EPHA6: variants seen among roughly 807,000 people sequenced by gnomAD.
EPHA6 encodes ephrin type-A receptor 6.
In EPHA6, 50 loss-of-function variants were observed where a neutral mutation model predicts 112.0. The observed-to-expected ratio is 0.45, with a 90% CI of 0.36 to 0.56. EPHA6 has a LOEUF of 0.56. EPHA6 is among the 20% of genes least tolerant of loss of function. EPHA6 has a pLI of 0.00. For synonymous variants in EPHA6, 529 were observed against 490.7 expected, an observed-to-expected ratio of 1.08 and a Z score of -1.03; for missense variants, 1,280 against 1,417.4, an observed-to-expected ratio of 0.90 and a Z score of 1.56.
At chr3:97,585,167 T>G (rs979426168) in intron 11 of EPHA6, among the ~76,000 whole-genome samples, 4 of 152,174 alleles carry the variant, frequency 2.6e-5, no homozygotes. Flanking sequence ...ATAAAAATTA[T>G]GTAAATAGAC....
chr3:96,969,114 A>T (rs2317931), intron 2 of EPHA6, among the ~76,000 whole-genome samples: 42,746 of 151,698 alleles, frequency 0.28, 10,010 homozygotes, highest in African/African-American at 0.63. Context: ...AATTTGATAT[A>T]CTAAGATAAT....
chr3:97,704,200 C>T (rs114018367), intron 14 of EPHA6, among the ~76,000 whole-genome samples: 355 of 152,150 alleles, frequency 2.3e-3, no homozygotes, highest in African/African-American at 8.3e-3. Flanking sequence ...TAAGGGATGC[C>T]TGGACATCTG....
intron 12 of EPHA6, among the ~76,000 whole-genome samples, chr3:97,606,813 A>G (rs887602120): frequency 3.3e-5 from 5 of 151,284 alleles, no homozygotes; most frequent in African/African-American, 1.2e-4. Context: ...GTAATTCACT[A>G]TCTCTACAAC....
chr3:97,536,781 G>C (rs1319697178), intron 11 of EPHA6, among the ~76,000 whole-genome samples: 1 of 152,072 alleles, frequency 6.6e-6, no homozygotes, highest in Non-Finnish European at 1.5e-5. Flanking sequence ...TACTGTATTA[G>C]CTATGACATC....
At chr3:97,655,390 T>G (rs1426434015) in intron 14 of EPHA6, among the ~76,000 whole-genome samples, 2 of 151,772 alleles carry the variant, frequency 1.3e-5, no homozygotes, top group African/African-American at 4.8e-5. Context: ...CCTCTGAGAC[T>G]CTTGCAGAAG....
At chr3:97,221,569 G>T (rs1390016524) in intron 3 of EPHA6, among the ~76,000 whole-genome samples, 7 of 151,966 alleles carry the variant, frequency 4.6e-5, no homozygotes, top group African/African-American at 1.7e-4. Flanking sequence ...ATATAAGAAA[G>T]AAATTTAAAA....
At position 97,749,692 on chromosome 3, in the gene EPHA6, G is replaced by A. The variant is rs556271155; in HGVS notation, c.*991G>A. 1.1e-4 allele frequency among the ~76,000 whole-genome samples: 16 copies of A among 152,228 alleles called. No homozygotes were observed. In the East Asian group the frequency reaches 2.9e-3, roughly 28 times the overall value. ...GTTAGATTATACCCTTAGATTTAAT[G>A]TAAAATTATTAATTTAATTTAAACA... is the stretch of plus-strand genomic sequence containing the variant. On this transcript the variant is annotated 3_prime_UTR_variant, in exon 18 of 18. Transcript: ENST00000389672.
At chr3:97,033,751 G>A (rs1026208489) in intron 3 of EPHA6, among the ~76,000 whole-genome samples, 1 of 151,916 alleles carries the variant, frequency 6.6e-6, no homozygotes, top group African/African-American at 2.4e-5. Context: ...ATGAAATTGA[G>A]ATTCAAGTAG....
rs554926529 is a variant in EPHA6 at position 97,663,508 on chromosome 3, C to T, written c.2784+25426C>T. Among the ~76,000 whole-genome samples the T allele has an allele frequency of 1.7e-4, 24 of 145,414 alleles. 1 individual carries two copies. Among genetic ancestry groups the T allele is most frequent in the African/African-American group, 4.9e-4 (19 of 39,058 alleles). On this transcript the variant is annotated intron_variant, in intron 14 of 17. Transcript: ENST00000389672. ...CCTCCCCCCACCCCACAACAGGCCC[C>T]GGTGTATGATGTTCCCCTTCCTCTA...
chr3:97,523,799 A>G (rs1285176252), intron 10 of EPHA6, among the ~76,000 whole-genome samples: 1 of 151,974 alleles, frequency 6.6e-6, no homozygotes, highest in Non-Finnish European at 1.5e-5. Flanking sequence ...TTATTATATA[A>G]TGACCTGCTT....
At chr3:97,191,337 TTTAG>T (rs2077300225) in intron 3 of EPHA6, among the ~76,000 whole-genome samples, 1 of 152,022 alleles carries the variant, frequency 6.6e-6, no homozygotes, top group Admixed American at 6.6e-5. Context: ...ATTATACTCT[TTTAG>T]TTATTTTTAA....
chr3:96,898,310 A>C (rs905938751), intron 2 of EPHA6, among the ~76,000 whole-genome samples: 1 of 152,208 alleles, frequency 6.6e-6, no homozygotes, highest in East Asian at 1.9e-4. Flanking sequence ...TATTATTATG[A>C]GGAACCATGC....
At chr3:97,737,232 A>T (rs2035300554) in intron 16 of EPHA6, among the ~76,000 whole-genome samples, 1 of 152,090 alleles carries the variant, frequency 6.6e-6, no homozygotes, top group Admixed American at 6.6e-5. Context: ...CCATGGAAGG[A>T]TTTTAAGCAA....
intron 11 of EPHA6, among the ~76,000 whole-genome samples, chr3:97,555,510 C>A (rs1460664042): frequency 1.3e-5 from 2 of 152,156 alleles, no homozygotes; most frequent in African/African-American, 4.8e-5. Context: ...GCCACACTGA[C>A]TTCCACAATG....
chr3:97,415,313 G>A (rs1308158296), intron 6 of EPHA6, among the ~76,000 whole-genome samples: 2 of 151,986 alleles, frequency 1.3e-5, no homozygotes, highest in African/African-American at 2.4e-5. Flanking sequence ...TAGTGGATGA[G>A]CGTCCTCTTA....
chr3:97,648,421 A>C, intron 14 of EPHA6: 2 of 1,479,286 alleles, frequency 1.4e-6, no homozygotes, highest in Non-Finnish European at 1.8e-6. Flanking sequence ...AAGCAGCATG[A>C]GGGGAAGGTA....
chr3:97,218,966 T>G (rs1181364491), intron 3 of EPHA6, among the ~76,000 whole-genome samples: 1 of 152,048 alleles, frequency 6.6e-6, no homozygotes, highest in Non-Finnish European at 1.5e-5. Context: ...GCTCCAGGCC[T>G]CCTGTAAGTC....
At chr3:97,562,489 G>A (rs1340194758) in intron 11 of EPHA6, among the ~76,000 whole-genome samples, 2 of 152,150 alleles carry the variant, frequency 1.3e-5, no homozygotes. Flanking sequence ...GCCTGAAGAT[G>A]GGGCTGAATT....
chr3:96,881,429 A>G (rs141169149), intron 2 of EPHA6, among the ~76,000 whole-genome samples: 27 of 152,284 alleles, frequency 1.8e-4, no homozygotes, highest in African/African-American at 6.3e-4. Flanking sequence ...TTAAAAAACT[A>G]TCAGGTCTCC....
Sources: gnomAD v4.1 joint callset for allele counts (sites outside exome capture counted in the v4.1 genomes callset) on GRCh38, gnomAD v4.1.1 for gene constraint, MANE v1.5 for transcripts, NCBI Gene and HGNC (gene_info 2026-07-23, HGNC 2026-07-21) for gene names.